The following R3HDM2 variants were observed in gnomAD, a reference collection of about 807,000 sequenced individuals.
R3HDM2 encodes the protein R3H domain containing 2.
In R3HDM2, 38 loss-of-function variants were observed where a neutral mutation model predicts 124.5. The ratio of observed to expected loss-of-function variants is 0.31; its 90% confidence interval spans 0.24 to 0.40. The LOEUF is 0.40. Ranked by LOEUF, R3HDM2 falls within the 10% of genes least tolerant of loss-of-function variation. The probability of loss-of-function intolerance (pLI) is 1.00; values close to 1 mark genes in which losing one functional copy is unlikely to be tolerated. For synonymous variants in R3HDM2, 391 were observed against 448.0 expected (o/e 0.87, Z 1.61); for missense variants, 869 against 1,236.9 (o/e 0.70, Z 4.46).
At chr12:57,375,316 A>C (rs923903998) in intron 2 of R3HDM2, among the ~76,000 whole-genome samples, 5 of 152,228 alleles carry the variant, frequency 3.3e-5, no homozygotes, top group Non-Finnish European at 7.3e-5. Context: ...ATATAAAACC[A>C]TAATCTGATC....
intron 19 of R3HDM2, among the ~76,000 whole-genome samples, chr12:57,263,530 G>A (rs796260684): frequency 3.7e-4 from 57 of 152,148 alleles, no homozygotes; most frequent in African/African-American, 1.1e-3. Flanking sequence ...GTGCAGTGGC[G>A]CAATCTCGGC....
intron 13 of R3HDM2, among the ~76,000 whole-genome samples, chr12:57,281,164 G>A (rs991800736): frequency 1.1e-4 from 16 of 151,676 alleles, no homozygotes; most frequent in African/African-American, 3.6e-4. Flanking sequence ...GTGGGCGCCT[G>A]TAATCCCAGC....
chr12:57,287,969 A>G (rs2047718050), intron 12 of R3HDM2, among the ~76,000 whole-genome samples: 1 of 151,666 alleles, frequency 6.6e-6, no homozygotes, highest in Admixed American at 6.6e-5. Flanking sequence ...CAATCGTATG[A>G]AGGACACACT....
At position 57,418,313 on chromosome 12, in the gene R3HDM2, C is replaced by T. The variant is rs9971718; in HGVS notation, c.-106+12407G>A. The T allele has an allele frequency of 6.6e-5, 65 of 985,264 alleles. No homozygotes were observed. In the African/African-American group the frequency reaches 8.9e-4, roughly 14 times the overall value. 61.0% of individuals were successfully genotyped at this position (985,264 alleles called of 1,614,324 possible). On this transcript the variant is annotated intron_variant, in intron 1 of 23. Transcript: ENST00000402412. ...CTCTCCTCTATTCTCATTACTTCTG[C>T]GCAGAACATTTAGTTAACGGGGCAA...
chr12:57,268,961 T>G lies in R3HDM2; in HGVS notation c.1836A>C (p.Gln612His). 6.2e-7 allele frequency: 1 copy of G among 1,614,190 alleles called. No homozygotes were observed. The highest frequency in any genetic ancestry group is 8.5e-7 in the Non-Finnish European group (1 of 1,180,026). ...SQRSSMGGQM[Q>H]GLVVQYTPLP... Reference sequence around the variant, plus strand: ...GTGGAGTGTACTGAACCACCAGGCCTTGCATCTGGCCCCCCATGCTGCTCC... The same window carrying G: ...GTGGAGTGTACTGAACCACCAGGCCGTGCATCTGGCCCCCCATGCTGCTCC... Residue 612 changes from glutamine (Q) to histidine (H), a missense_variant, in exon 17 of 24, where the codon CAA becomes CAC. Coordinates refer to ENST00000402412, the MANE Select transcript of R3HDM2 (RefSeq NM_001394031.1).
chr12:57,362,966 G>A (rs996435942), intron 2 of R3HDM2, among the ~76,000 whole-genome samples: 3 of 152,020 alleles, frequency 2.0e-5, no homozygotes, highest in Non-Finnish European at 2.9e-5. Context: ...GACTACAGGC[G>A]CATGCCACCA....
intron 1 of R3HDM2, among the ~76,000 whole-genome samples, chr12:57,413,217 T>C (rs2069172186): frequency 6.6e-6 from 1 of 151,790 alleles, no homozygotes; most frequent in Non-Finnish European, 1.5e-5. Flanking sequence ...AAAAAAGCAA[T>C]ACAATGCCAA....
At chr12:57,419,964 G>A (rs561885760) in intron 1 of R3HDM2, among the ~76,000 whole-genome samples, 7 of 151,774 alleles carry the variant, frequency 4.6e-5, no homozygotes, top group African/African-American at 1.5e-4. Context: ...TCAGCTCCCT[G>A]ACCCAAAAAA....
chr12:57,294,921 A>G (rs2049425636), intron 10 of R3HDM2, among the ~76,000 whole-genome samples: 1 of 152,226 alleles, frequency 6.6e-6, no homozygotes, highest in Non-Finnish European at 1.5e-5. Flanking sequence ...AGGGATCAGA[A>G]ACACCTTTAT....
intron 2 of R3HDM2, among the ~76,000 whole-genome samples, chr12:57,367,604 A>G (rs1189065034): frequency 6.6e-6 from 1 of 152,206 alleles, no homozygotes; most frequent in Non-Finnish European, 1.5e-5. Context: ...TTCAACCCAG[A>G]AACTTTCTTC....
At chr12:57,309,757 C>G (rs963669641) in intron 3 of R3HDM2, among the ~76,000 whole-genome samples, 13 of 151,998 alleles carry the variant, frequency 8.6e-5, no homozygotes, top group African/African-American at 3.1e-4. Context: ...GAACTCAGGC[C>G]CAAATAGATT....
At chr12:57,307,219 A>C (rs976052152) in intron 3 of R3HDM2, among the ~76,000 whole-genome samples, 1 of 152,186 alleles carries the variant, frequency 6.6e-6, no homozygotes, top group East Asian at 1.9e-4. Context: ...AATTCATAAC[A>C]GGGACTTTTT....
chr12:57,334,202 C>T (rs1309561306), intron 2 of R3HDM2, among the ~76,000 whole-genome samples: 1 of 152,174 alleles, frequency 6.6e-6, no homozygotes, highest in East Asian at 1.9e-4. Context: ...TATCCTCCCC[C>T]AATCAAATCA....
chr12:57,399,693 G>T (rs1304605666), intron 1 of R3HDM2, among the ~76,000 whole-genome samples: 1 of 152,108 alleles, frequency 6.6e-6, no homozygotes, highest in Admixed American at 6.6e-5. Flanking sequence ...CTAACAACTG[G>T]TAACACTTGG....
intron 2 of R3HDM2, among the ~76,000 whole-genome samples, chr12:57,327,384 T>C (rs979856645): frequency 6.6e-6 from 1 of 151,626 alleles, no homozygotes; most frequent in African/African-American, 2.4e-5. Context: ...GGAGGATCAC[T>C]TGAACCCTGG....
chr12:57,291,377 G>A (rs1403380236), intron 11 of R3HDM2, among the ~76,000 whole-genome samples: 1 of 151,932 alleles, frequency 6.6e-6, no homozygotes, highest in African/African-American at 2.4e-5. Context: ...TCTTTTGCCA[G>A]GCACAGTGGG....
At chr12:57,333,860 G>A (rs2058519792) in intron 2 of R3HDM2, among the ~76,000 whole-genome samples, 1 of 151,812 alleles carries the variant, frequency 6.6e-6, no homozygotes. Flanking sequence ...GGCTAACGTG[G>A]CGAAACCCCA....
intron 2 of R3HDM2, among the ~76,000 whole-genome samples, chr12:57,385,021 C>A (rs912306561): frequency 3.3e-5 from 5 of 151,620 alleles, no homozygotes; most frequent in African/African-American, 1.2e-4. Flanking sequence ...GTGGCAGGTG[C>A]CTGTAATCCC....
At chr12:57,328,469 A>G (rs534786224) in intron 2 of R3HDM2, among the ~76,000 whole-genome samples, 2 of 152,158 alleles carry the variant, frequency 1.3e-5, no homozygotes, top group African/African-American at 4.8e-5. Flanking sequence ...CACCAGCCAA[A>G]ATATATGACT....
Sources: allele counts gnomAD v4.1 joint callset (sites outside exome capture counted in the v4.1 genomes callset), GRCh38; gene constraint gnomAD v4.1.1; transcripts MANE v1.5; gene names NCBI Gene and HGNC (gene_info 2026-07-23, HGNC 2026-07-21).